Variants in PRKN observed in about 807,000 individuals in gnomAD.
PRKN encodes E3 ubiquitin-protein ligase parkin.
Under a neutral mutation model 59.5 loss-of-function variants are expected in PRKN, and 56 were observed. The ratio of observed to expected loss-of-function variants is 0.94; its 90% CI spans 0.76 to 1.18. The LOEUF is 1.18. Ranked by LOEUF, PRKN falls within the 50% of genes most tolerant of loss-of-function variation. PRKN has a pLI of 0.00. For missense variants in PRKN, 657 were observed against 596.4 expected, an observed-to-expected ratio of 1.10 and a Z score of -1.06; for synonymous variants, 250 against 222.1, an observed-to-expected ratio of 1.13 and a Z score of -1.12.
intron 6 of PRKN, among the ~76,000 whole-genome samples, chr6:161,955,150 C>T (rs543944547): frequency 6.6e-6 from 1 of 152,262 alleles, no homozygotes; most frequent in Non-Finnish European, 1.5e-5. Context: ...GCTTTCCTGA[C>T]CTCAGCATCA....
At chr6:162,302,331 TTA>T (rs1394434636) in intron 2 of PRKN, among the ~76,000 whole-genome samples, 1 of 150,602 alleles carries the variant, frequency 6.6e-6, no homozygotes, top group African/African-American at 2.5e-5. Context: ...TTAGGTTATG[TTA>T]TAAGACATAG....
At chr6:161,756,102 G>A (rs921011752) in intron 7 of PRKN, among the ~76,000 whole-genome samples, 1 of 152,126 alleles carries the variant, frequency 6.6e-6, no homozygotes, top group Admixed American at 6.5e-5. Flanking sequence ...CTTCTACTTA[G>A]AACACATAGT....
In PRKN at chr6:161,676,006, T is replaced by C. The variant is rs147459413; in HGVS notation, c.872-106590A>G. ...TCTTGAGTTATCTTTTCCTTCCAGT[T>C]TCCTGAATTATGTGACCTCTGAGAG... On this transcript the variant is annotated intron_variant, in intron 7 of 11. Coordinates refer to ENST00000366898, the MANE Select transcript of PRKN (RefSeq NM_004562.3). 1.3e-3 allele frequency among the ~76,000 whole-genome samples: 205 copies of C among 152,322 alleles called. 1 individual carries two copies. Among genetic ancestry groups the C allele is most frequent in the African/African-American group, 4.8e-3 (201 of 41,572 alleles).
intron 5 of PRKN, among the ~76,000 whole-genome samples, chr6:162,051,407 G>A (rs1777638897): frequency 1.3e-5 from 2 of 152,230 alleles, no homozygotes; most frequent in African/African-American, 4.8e-5. Context: ...GGCCTCATGA[G>A]CAAAGCCAGC....
chr6:162,384,668 A>G (rs964915970), intron 2 of PRKN, among the ~76,000 whole-genome samples: 23 of 151,844 alleles, frequency 1.5e-4, no homozygotes, highest in African/African-American at 5.6e-4. Context: ...AAAAACAAAA[A>G]AAAAAAACAC....
At chr6:162,112,366 T>A (rs919184649) in intron 4 of PRKN, among the ~76,000 whole-genome samples, 25 of 152,098 alleles carry the variant, frequency 1.6e-4, no homozygotes, top group African/African-American at 5.1e-4. Flanking sequence ...TTACTAGGAC[T>A]TTTTTTACAC....
Position 161,575,128 on chromosome 6 carries a change from G to T in PRKN, c.872-5712C>A, listed in dbSNP as rs2128136328. 6.6e-6 allele frequency among the ~76,000 whole-genome samples: 1 copy of T among 152,212 alleles called. No homozygotes were observed. Among genetic ancestry groups the T allele is most frequent in the Admixed American group, 6.5e-5 (1 of 15,298 alleles). On this transcript the variant is annotated intron_variant, in intron 7 of 11. Coordinates refer to ENST00000366898, the MANE Select transcript of PRKN (RefSeq NM_004562.3). The surrounding 1 kb of genome is among the most constrained non-coding windows in gnomAD (Gnocchi z 4.6). ...TTTCTAAAAATCTGAGCTCATTGGT[G>T]TTCAATGAATACCAGCTTTTTGGTG...
At chr6:162,013,707 A>G (rs1276080705) in intron 5 of PRKN, among the ~76,000 whole-genome samples, 1 of 152,156 alleles carries the variant, frequency 6.6e-6, no homozygotes, top group Non-Finnish European at 1.5e-5. Flanking sequence ...GGTTATCTCA[A>G]TATTTGTTGT....
intron 5 of PRKN, among the ~76,000 whole-genome samples, chr6:161,991,303 C>T (rs1272452930): frequency 2.6e-5 from 4 of 152,042 alleles, no homozygotes; most frequent in South Asian, 4.1e-4. Flanking sequence ...CACAAAAGTG[C>T]AAAACTCAAT....
intron 2 of PRKN, among the ~76,000 whole-genome samples, chr6:162,288,742 C>T (rs1233415531): frequency 6.6e-6 from 1 of 152,170 alleles, no homozygotes; most frequent in African/African-American, 2.4e-5. Flanking sequence ...GAAACACTCA[C>T]ATTTTTCTAC....
At chr6:162,472,470 T>TAGTAGAAGTTGAACAAA (rs1240412577) in intron 1 of PRKN, among the ~76,000 whole-genome samples, 13 of 124,004 alleles carry the variant, frequency 1.0e-4, no homozygotes, top group South Asian at 2.9e-4. Context: ...TTATTTTATT[T>TAGTAGAAGTTGAACAAA]TATTTTATTT....
Position 162,249,540 on chromosome 6 carries a change from C to G in PRKN, c.412+12985G>C, listed in dbSNP as rs118141923. On this transcript the variant is annotated intron_variant, in intron 3 of 11. Transcript: ENST00000366898. Reference sequence around the variant, plus strand: ...GAACTTCAAGAAGAAAGGAATTCATCCCAATTTATATATACAGTGCAGGCA... The same window carrying G: ...GAACTTCAAGAAGAAAGGAATTCATGCCAATTTATATATACAGTGCAGGCA... 9.7e-4 allele frequency among the ~76,000 whole-genome samples: 148 copies of G among 152,170 alleles called. 2 individuals are homozygous for G. In the East Asian group the frequency reaches 0.024, roughly 25 times the overall value.
At chr6:162,380,550 A>G (rs1245891649) in intron 2 of PRKN, among the ~76,000 whole-genome samples, 1 of 146,916 alleles carries the variant, frequency 6.8e-6, no homozygotes, top group Non-Finnish European at 1.5e-5. Flanking sequence ...TATATGTATC[A>G]TTAACATCAA....
Position 162,135,600 on chromosome 6 carries a change from G to A in PRKN, c.534+65531C>T, listed in dbSNP as rs112702939. Among the ~76,000 whole-genome samples the A allele has an allele frequency of 3.7e-3, 567 of 152,288 alleles. 6 individuals are homozygous for A. Among genetic ancestry groups the A allele is most frequent in the Admixed American group, 8.8e-3 (134 of 15,290 alleles). On this transcript the variant is annotated intron_variant, in intron 4 of 11. Coordinates refer to ENST00000366898, the MANE Select transcript of PRKN (RefSeq NM_004562.3). ...AAATCATCACTTCACAAAGTCTGCT[G>A]GAGTGCTGAGGCCATCTGTCTCCTT...
chr6:162,153,615 C>T (rs1265585707), intron 4 of PRKN, among the ~76,000 whole-genome samples: 2 of 152,088 alleles, frequency 1.3e-5, no homozygotes, highest in African/African-American at 4.8e-5. Flanking sequence ...ATAAGGTTAC[C>T]TAGACAAATG....
At chr6:162,585,862 C>T (rs1022140533) in intron 1 of PRKN, among the ~76,000 whole-genome samples, 4 of 148,944 alleles carry the variant, frequency 2.7e-5, no homozygotes, top group Non-Finnish European at 4.5e-5. Context: ...CCACCATGCC[C>T]GGCTAATTTT....
intron 1 of PRKN, among the ~76,000 whole-genome samples, chr6:162,638,202 A>C (rs565271531): frequency 0.23 from 35,056 of 151,872 alleles, 4,806 homozygotes; most frequent in African/African-American, 0.37. Context: ...CAATAATATT[A>C]TCCCTATGTT....
At chr6:161,644,680 T>C (rs1372372158) in intron 7 of PRKN, among the ~76,000 whole-genome samples, 1 of 152,142 alleles carries the variant, frequency 6.6e-6, no homozygotes, top group Non-Finnish European at 1.5e-5. Context: ...GAAATATAGA[T>C]AGGGAACTAC....
chr6:162,575,173 C>G (rs1780508469), intron 1 of PRKN, among the ~76,000 whole-genome samples: 1 of 152,154 alleles, frequency 6.6e-6, no homozygotes, highest in African/African-American at 2.4e-5. Flanking sequence ...AAATTCCAGG[C>G]CATGCACCTG....
Sources: gnomAD v4.1 joint callset for allele counts (sites outside exome capture counted in the v4.1 genomes callset) on GRCh38, gnomAD v4.1.1 for gene constraint, Gnocchi (gnomAD v3.1) non-coding constraint, MANE v1.5 for transcripts, NCBI Gene and HGNC (gene_info 2026-07-23, HGNC 2026-07-21) for gene names.